The following SORCS2 variants were observed in gnomAD, a reference collection of about 807,000 sequenced individuals.
The protein encoded by SORCS2 is VPS10 domain-containing receptor SorCS2.
SORCS2 carries 100 observed loss-of-function variants against 141.6 expected under a neutral mutation model. The observed-to-expected ratio is 0.71, with a 90% confidence interval of 0.60 to 0.83. The LOEUF (loss-of-function observed/expected upper bound fraction) is 0.83. Among genes scored for constraint, SORCS2 ranks in the 40% least tolerant of loss-of-function variants. The probability of loss-of-function intolerance (pLI) is 0.00; values close to 1 mark genes in which losing one functional copy is unlikely to be tolerated. For synonymous variants in SORCS2, 789 were observed against 676.9 expected, an observed-to-expected ratio of 1.17 and a Z score of -2.57; for missense variants, 1,646 against 1,560.2, an observed-to-expected ratio of 1.05 and a Z score of -0.93.
At chr4:7,542,194 C>A (rs748603239) in intron 3 of SORCS2, among the ~76,000 whole-genome samples, 3 of 152,200 alleles carry the variant, frequency 2.0e-5, no homozygotes, top group Non-Finnish European at 4.4e-5. Context: ...CCTGCCCTAT[C>A]TTAAACAATC....
chr4:7,460,968 C>T (rs75281034), intron 2 of SORCS2, among the ~76,000 whole-genome samples: 15 of 152,118 alleles, frequency 9.9e-5, no homozygotes, highest in Admixed American at 2.6e-4. Context: ...TTTCTCCCCC[C>T]TCTCTTTCCA....
In SORCS2 at chr4:7,741,325, C is replaced by G; in HGVS notation, c.*1061C>G. On this transcript the variant is annotated 3_prime_UTR_variant, in exon 27 of 27. Coordinates refer to ENST00000507866, the MANE Select transcript of SORCS2 (RefSeq NM_020777.3). ...CCCAGGGAGGAGAGTAACTGAAGGT[C>G]ACAGCACGGTCACAGCAGAGGTGGC... 1 of 398,922 alleles carries G rather than the reference C, an allele frequency of 2.5e-6. No individual in the cohort carries two copies. Among genetic ancestry groups the G allele is most frequent in the Admixed American group, 4.4e-5 (1 of 22,724 alleles). 24.7% of individuals were successfully genotyped at this position (398,922 alleles called of 1,614,324 possible).
chr4:7,546,585 C>T (rs1426148558), intron 3 of SORCS2, among the ~76,000 whole-genome samples: 1 of 151,922 alleles, frequency 6.6e-6, no homozygotes, highest in African/African-American at 2.4e-5. Flanking sequence ...CTGAGGGAAC[C>T]CACGTGTGCA....
Position 7,656,882 on chromosome 4 carries a change from A to C in SORCS2, c.887+2675A>C, listed in dbSNP as rs935065836. On this transcript the variant is annotated intron_variant, in intron 5 of 26. Coordinates refer to ENST00000507866, the MANE Select transcript of SORCS2 (RefSeq NM_020777.3). Reference sequence around the variant, plus strand: ...CATTTGCACTGGAGCTGCCCTCAGCACAAATGGGGTGAAAGTCAGTTCCCA... The same window carrying C: ...CATTTGCACTGGAGCTGCCCTCAGCCCAAATGGGGTGAAAGTCAGTTCCCA... Among the ~76,000 whole-genome samples, 5 of 152,214 alleles carry C rather than the reference A, an allele frequency of 3.3e-5. No homozygotes were observed. The East Asian group carries it at 7.7e-4, about 23-fold the overall frequency.
intron 2 of SORCS2, among the ~76,000 whole-genome samples, chr4:7,420,736 G>GT (rs1317393202): frequency 6.6e-6 from 1 of 152,180 alleles, no homozygotes; most frequent in Non-Finnish European, 1.5e-5. Flanking sequence ...AGAGGACTCC[G>GT]TGGGATTCAG....
chr4:7,601,059 T>C lies in SORCS2; in HGVS notation c.649-37269T>C, dbSNP rs561800721. Among the ~76,000 whole-genome samples the C allele has an allele frequency of 3.9e-5, 6 of 152,294 alleles. No individual in the cohort carries two copies. The East Asian group carries it at 1.2e-3, about 29-fold the overall frequency. On this transcript the variant is annotated intron_variant, in intron 3 of 26. Transcript: ENST00000507866. ...TGCCACCATGCCTGGCTAATTTTTGTATTTTTAGCAGGAACAGGGTTTCGC... is the reference window on the plus strand; with the variant it reads ...TGCCACCATGCCTGGCTAATTTTTGCATTTTTAGCAGGAACAGGGTTTCGC...
intron 1 of SORCS2, among the ~76,000 whole-genome samples, chr4:7,383,209 C>T (rs1037914946): frequency 6.6e-6 from 1 of 152,038 alleles, no homozygotes; most frequent in Admixed American, 6.5e-5. Flanking sequence ...TGGCTTCTTC[C>T]CAAGTTGGCA....
chr4:7,359,336 G>C (rs1721444164), intron 1 of SORCS2, among the ~76,000 whole-genome samples: 1 of 151,882 alleles, frequency 6.6e-6, no homozygotes. Flanking sequence ...GACTTACTTT[G>C]TCACCCAGGC....
intron 9 of SORCS2, among the ~76,000 whole-genome samples, chr4:7,681,110 A>G (rs774923013): frequency 1.3e-5 from 2 of 152,166 alleles, no homozygotes; most frequent in Non-Finnish European, 2.9e-5. Context: ...TGATGGGGTG[A>G]ATGTATTTTA....
intron 3 of SORCS2, among the ~76,000 whole-genome samples, chr4:7,613,028 T>C (rs968379288): frequency 1.3e-5 from 2 of 152,186 alleles, no homozygotes; most frequent in Non-Finnish European, 2.9e-5. Context: ...TCTCTCCACC[T>C]CTTTCTGCGG....
Position 7,193,232 on chromosome 4 carries a change from G to C in SORCS2, c.480+106G>C. 1.6e-6 allele frequency: 2 copies of C among 1,278,546 alleles called. No homozygotes were observed. Among genetic ancestry groups the C allele is most frequent in the Non-Finnish European group, 2.0e-6 (2 of 1,010,266 alleles). 79.2% of individuals were successfully genotyped at this position (1,278,546 alleles called of 1,614,324 possible). On this transcript the variant is annotated intron_variant, in intron 1 of 26. Transcript: ENST00000507866. This position sits in a 1 kb window ranked among gnomAD's most constrained non-coding sequence, Gnocchi z 4.8. ...CCCAGATCCCCACTATGGTCATCAG[G>C]GGCGGGTTCTTGGCGACTTGGGCAC...
intron 2 of SORCS2, among the ~76,000 whole-genome samples, chr4:7,464,429 G>A (rs1052209390): frequency 3.3e-5 from 5 of 152,194 alleles, no homozygotes; most frequent in Non-Finnish European, 5.9e-5. Flanking sequence ...AAAGGGAGCC[G>A]CAGCCTGTGG....
chr4:7,371,305 T>C (rs1180204557), intron 1 of SORCS2, among the ~76,000 whole-genome samples: 1 of 152,174 alleles, frequency 6.6e-6, no homozygotes, highest in Non-Finnish European at 1.5e-5. Flanking sequence ...CGGCCTCTGC[T>C]TCTAACCTGG....
chr4:7,380,668 C>T (rs1346265318), intron 1 of SORCS2, among the ~76,000 whole-genome samples: 6 of 152,210 alleles, frequency 3.9e-5, no homozygotes, highest in South Asian at 2.1e-4. Context: ...CAGGGCGGGG[C>T]GTAGGCCTCA....
chr4:7,331,918 A>G (rs951856116), intron 1 of SORCS2, among the ~76,000 whole-genome samples: 1 of 152,156 alleles, frequency 6.6e-6, no homozygotes, highest in Non-Finnish European at 1.5e-5. Context: ...CCTACAGGGT[A>G]TGACTGGGGC....
rs1312531846 is a variant in SORCS2, at chr4:7,703,310, C to G, written c.1699C>G (p.Leu567Val). 1.2e-6 allele frequency: 2 copies of G among 1,613,218 alleles called. No individual in the cohort carries two copies. The highest frequency in any genetic ancestry group is 1.7e-6 in the Non-Finnish European group (2 of 1,179,676). ...TGAGGAAGAGCATCACATCCTGTAC[C>G]TGGACCACGGCGGCGTGATCGTGGC... ...VFEEEHHILY[L>V]DHGGVIVAIK... The change falls in exon 13 of 27, where the codon CTG becomes GTG. Residue 567 changes from leucine (L) to valine (V), a missense_variant. Leu to Val is a conservative substitution (Grantham distance 32). Transcript: ENST00000507866.
chr4:7,653,266 G>T (rs563978555), intron 4 of SORCS2, among the ~76,000 whole-genome samples: 1 of 152,146 alleles, frequency 6.6e-6, no homozygotes, highest in South Asian at 2.1e-4. Context: ...TTTTTCAGGT[G>T]GAGTTTTGCT....
intron 1 of SORCS2, among the ~76,000 whole-genome samples, chr4:7,205,918 C>T (rs1258283408): frequency 6.6e-6 from 1 of 152,104 alleles, no homozygotes. Flanking sequence ...TGGTGGCAGA[C>T]GCCTATAATC....
chr4:7,579,596 C>T (rs1716006097), intron 3 of SORCS2, among the ~76,000 whole-genome samples: 2 of 152,118 alleles, frequency 1.3e-5, no homozygotes, highest in Admixed American at 6.5e-5. Flanking sequence ...CCAAGTATCC[C>T]TGAAGCCTCA....
Sources: gnomAD v4.1 joint callset for allele counts (sites outside exome capture counted in the v4.1 genomes callset) on GRCh38, gnomAD v4.1.1 for gene constraint, Gnocchi (gnomAD v3.1) non-coding constraint, MANE v1.5 for transcripts, NCBI Gene and HGNC (gene_info 2026-07-23, HGNC 2026-07-21) for gene names.